The following SCAF11 variants were observed in gnomAD, a reference collection of about 807,000 sequenced individuals.
The protein encoded by SCAF11 is SR-related CTD associated factor 11, also known as protein SCAF11.
Under a neutral mutation model 140.5 loss-of-function variants are expected in SCAF11, and 47 were observed. That is an observed-to-expected ratio of 0.33 (90% CI 0.26 to 0.43). The LOEUF is 0.43. Ranked by LOEUF, SCAF11 falls within the 20% of genes least tolerant of loss-of-function variation. The pLI, the probability that SCAF11 is intolerant of heterozygous loss-of-function variation, is 1.00. For synonymous variants in SCAF11, 557 were observed against 579.4 expected (o/e 0.96, Z 0.55); for missense variants, 1,645 against 1,705.1 (o/e 0.96, Z 0.62).
In SCAF11 at chr12:45,919,610, C is replaced by T. The variant is rs1944660250; in HGVS notation, c.*2438G>A. 1 of 152,138 alleles carries T rather than the reference C, an allele frequency of 6.6e-6. No homozygotes were observed. The highest frequency in any genetic ancestry group is 2.4e-5 in the African/African-American group (1 of 41,442). 9.4% of individuals were successfully genotyped at this position (152,138 alleles called of 1,614,324 possible). ...AACTCAAGAATGAGGAATATTAAAG[C>T]AATGTATTTTTTCAACATAAAGCAT... On this transcript the variant is annotated 3_prime_UTR_variant, in exon 15 of 15. Transcript: ENST00000369367.
rs1490273040 is a variant in SCAF11 at position 45,920,053 on chromosome 12, T to C, written c.*1995A>G. On this transcript the variant is annotated 3_prime_UTR_variant, in exon 15 of 15. Transcript: ENST00000369367. ...GCCTTGATATTCTGAAACACTGTCT[T>C]AATACTTTATTAGAAGAAATATGCT... The C allele has an allele frequency of 6.6e-6, 1 of 152,216 alleles. No individual in the cohort carries two copies. Among genetic ancestry groups the C allele is most frequent in the Non-Finnish European group, 1.5e-5 (1 of 68,020 alleles). The allele number at this position is 152,216 out of a possible 1,614,324, so 9.4% of individuals were successfully genotyped here. A position where few individuals can be genotyped will look rare whatever the true frequency, so the allele number is the denominator to read the frequency against.
At chr12:45,975,256 C>G (rs1450024231) in intron 1 of SCAF11, 1 of 152,212 alleles carries the variant, frequency 6.6e-6, no homozygotes, top group Admixed American at 6.5e-5. Context: ...AATTTATAGT[C>G]ACCAGCTGCA....
chr12:45,928,272 A>T lies in SCAF11; in HGVS notation c.1429T>A (p.Ser477Thr). 6.2e-7 allele frequency: 1 copy of T among 1,613,956 alleles called. No homozygotes were observed. Among genetic ancestry groups the T allele is most frequent in the Non-Finnish European group, 8.5e-7 (1 of 1,179,992 alleles). ...EERVGSSSSE[S>T]CAQDLPVLVG... The stretch of plus-strand genomic sequence containing the variant: ...AGCACAGGAAGATCTTGAGCACAAG[A>T]CTCAGAAGATGAAGATCCTACTCTT... Residue 477 changes from serine to threonine, a missense_variant, in exon 11 of 15, where the codon TCT becomes ACT. By Grantham distance (58) the Ser-to-Thr change is moderately conservative. Coordinates refer to ENST00000369367, the MANE Select transcript of SCAF11 (RefSeq NM_004719.3).
At position 45,933,441 on chromosome 12, in the gene SCAF11, TTA is replaced by T. The variant is rs1945101647; in HGVS notation, c.633-211_633-210del. On this transcript the variant is annotated intron_variant, in intron 8 of 14. Coordinates refer to ENST00000369367, the MANE Select transcript of SCAF11 (RefSeq NM_004719.3). The stretch of plus-strand genomic sequence containing the variant: ...TTTATATTGCAAATCAGAGTTGTAT[TTA>T]TATGATTGTTAAAAATAACCCTTGA... 3.3e-5 allele frequency among the ~76,000 whole-genome samples: 5 copies of T among 152,248 alleles called. 1 individual carries two copies. The South Asian group carries it at 1.0e-3, about 32-fold the overall frequency.
At position 45,933,228 on chromosome 12, in the gene SCAF11, C is replaced by T. The variant is rs781761156; in HGVS notation, c.637G>A (p.Glu213Lys). The change falls in exon 9 of 15, where the codon GAA (glutamate) becomes AAA (lysine). Residue 213 changes from glutamate to lysine, a missense_variant. Glu to Lys is a moderately conservative substitution (Grantham distance 56). Coordinates refer to ENST00000369367, the MANE Select transcript of SCAF11 (RefSeq NM_004719.3). ...SSFTYRAYCT[E>K]FIEASEISAL... is the part of the protein sequence containing the mutation. ...CTGATTTCACTGGCTTCTATAAATT[C>T]TGTACTAAAAGATAAATTTTAGACC... 1.2e-6 allele frequency: 2 copies of T among 1,605,528 alleles called. No individual in the cohort carries two copies. Among genetic ancestry groups the T allele is most frequent in the Admixed American group, 3.4e-5 (2 of 59,652 alleles).
At chr12:45,961,038 C>CGG in intron 3 of SCAF11, 1 of 331,778 alleles carries the variant, frequency 3.0e-6, no homozygotes, top group Non-Finnish European at 5.5e-6. Context: ...ATTGAGTCAA[C>CGG]ATAATACATT....
chr12:45,954,505 T>C (rs746284042), intron 3 of SCAF11, among the ~76,000 whole-genome samples: 1 of 151,932 alleles, frequency 6.6e-6, no homozygotes, highest in Non-Finnish European at 1.5e-5. Context: ...GTTAATGGCG[T>C]GAGCTGCTGT....
chr12:45,986,904 G>GT (rs1357466407), intron 1 of SCAF11, among the ~76,000 whole-genome samples: 1 of 152,062 alleles, frequency 6.6e-6, no homozygotes, highest in South Asian at 2.1e-4. Flanking sequence ...ATGTGGAACT[G>GT]TAAGTCCAAT....
intron 1 of SCAF11, among the ~76,000 whole-genome samples, chr12:45,984,830 G>A (rs886354363): frequency 6.6e-5 from 10 of 152,080 alleles, no homozygotes; most frequent in African/African-American, 1.4e-4. Context: ...ATGTAGCTGG[G>A]ATTACAGGCA....
intron 6 of SCAF11, among the ~76,000 whole-genome samples, chr12:45,937,046 GA>G (rs1945188116): frequency 6.6e-6 from 1 of 151,740 alleles, no homozygotes. Context: ...TATTTGGTAT[GA>G]TTTTTTTTTC....
upstream of SCAF11, among the ~76,000 whole-genome samples, chr12:45,991,234 C>T (rs1259009979): frequency 6.6e-6 from 1 of 152,156 alleles, no homozygotes; most frequent in African/African-American, 2.4e-5. Context: ...CTCCCCGAGC[C>T]TAGGGGCTTT....
In SCAF11 at chr12:45,973,915, A is replaced by G. The variant is rs143965074; in HGVS notation, c.-21-9727T>C. Among the ~76,000 whole-genome samples, 7 of 152,338 alleles carry G rather than the reference A, an allele frequency of 4.6e-5. No homozygotes were observed. The East Asian group carries it at 7.7e-4, about 17-fold the overall frequency. On this transcript the variant is annotated intron_variant, in intron 1 of 14. Coordinates refer to ENST00000369367, the MANE Select transcript of SCAF11 (RefSeq NM_004719.3). Reference sequence around the variant, plus strand: ...ACAGAAACAGTAAATGCCTGAGCAAACATAGTTAACTATTCTCATCTTGAA... The same window carrying G: ...ACAGAAACAGTAAATGCCTGAGCAAGCATAGTTAACTATTCTCATCTTGAA...
chr12:45,941,280 T>C (rs991880063), intron 6 of SCAF11, among the ~76,000 whole-genome samples: 13 of 152,212 alleles, frequency 8.5e-5, no homozygotes, highest in East Asian at 1.9e-4. Flanking sequence ...GTCATCTTTA[T>C]TGAGGTACAA....
chr12:45,931,166 T>C (rs949563476), intron 10 of SCAF11: 2 of 155,532 alleles, frequency 1.3e-5, no homozygotes, highest in African/African-American at 4.8e-5. Flanking sequence ...CATGTGGTTA[T>C]GTGCCTTTCT....
Position 45,922,170 on chromosome 12 carries a change from C to G in SCAF11, c.4270G>C (p.Val1424Leu), listed in dbSNP as rs1158502604. 1.2e-6 allele frequency: 2 copies of G among 1,611,568 alleles called. No homozygotes were observed. Among genetic ancestry groups the G allele is most frequent in the Non-Finnish European group, 1.7e-6 (2 of 1,179,354 alleles). ...DKVCHSKSGE[V>L]NSTKVANLVK... The stretch of plus-strand genomic sequence containing the variant: ...AGATTTGCCACTTTAGTAGAATTTA[C>G]TTCTCCACTCTTACTATGACAAACC... Residue 1424 changes from valine to leucine, a missense_variant, in exon 15 of 15, where the codon GTA becomes CTA. Transcript: ENST00000369367.
rs1840536181 is a variant in SCAF11, at chr12:45,928,144, T to A, written c.1557A>T (p.Gly519=). 6.2e-7 allele frequency: 1 copy of A among 1,613,864 alleles called. No individual in the cohort carries two copies. The highest frequency in any genetic ancestry group is 1.7e-5 in the Admixed American group (1 of 59,994). ...GGTCTTGCTTTTCCAATGGATCACC[T>A]CCTTTTTCAAGAATATTTTCAGAAA... ...SEISENILEK[G]GDPLEKQDQI... Residue 519 remains glycine, a synonymous_variant, in exon 11 of 15, where the codon GGA becomes GGT. Coordinates refer to ENST00000369367, the MANE Select transcript of SCAF11 (RefSeq NM_004719.3).
intron 1 of SCAF11, among the ~76,000 whole-genome samples, chr12:45,980,293 A>G (rs151208020): frequency 1.5e-3 from 235 of 152,322 alleles, no homozygotes; most frequent in African/African-American, 5.4e-3. Flanking sequence ...TAAGCTTTTA[A>G]CCTGCCTTCT....
intron 7 of SCAF11, 51 bp downstream of exon 7, chr12:45,934,396 A>G (rs745839369): frequency 4.8e-5 from 70 of 1,457,758 alleles, no homozygotes; most frequent in Admixed American, 3.1e-4. Context: ...GGACTAAATA[A>G]CCCTAAAGTG....
At position 45,926,617 on chromosome 12, in the gene SCAF11, T is replaced by C; in HGVS notation, c.3084A>G (p.Ile1028Met). 6.2e-7 allele frequency: 1 copy of C among 1,614,152 alleles called. No homozygotes were observed. The highest frequency in any genetic ancestry group is 8.5e-7 in the Non-Finnish European group (1 of 1,180,032). Reference sequence around the variant, plus strand: ...TGGTTCTTGGATCAGGCCCAGAGTTTATTTTTTCTGTTATCCAATTGGGAC... The same window carrying C: ...TGGTTCTTGGATCAGGCCCAGAGTTCATTTTTTCTGTTATCCAATTGGGAC... ...NDCPNWITEK[I>M]NSGPDPRTRN... Residue 1028 changes from isoleucine to methionine, a missense_variant, in exon 11 of 15, where the codon ATA becomes ATG. Physicochemically the swap from Ile to Met is conservative, Grantham distance 10. Around this residue, in one of 2 missense-constraint regions of SCAF11, gnomAD observed 1,582 missense variants for 1,609.2 expected, o/e 0.98. Transcript: ENST00000369367.
Sources: gnomAD v4.1 joint callset for allele counts (sites outside exome capture counted in the v4.1 genomes callset) on GRCh38, gnomAD v4.1.1 for gene constraint, gnomAD v4.1.1 regional missense constraint, MANE v1.5 for transcripts, NCBI Gene and HGNC (gene_info 2026-07-23, HGNC 2026-07-21) for gene names.